The following TMEM117 variants were observed in gnomAD, a reference collection of about 807,000 sequenced individuals.
TMEM117 encodes the protein transmembrane protein 117.
Under a neutral mutation model 52.4 loss-of-function variants are expected in TMEM117, and 27 were observed. The ratio of observed to expected loss-of-function variants is 0.51; its 90% CI spans 0.38 to 0.71. TMEM117 has a LOEUF of 0.71. Among genes scored for constraint, TMEM117 ranks in the 30% least tolerant of loss-of-function variants. The pLI, the probability that TMEM117 is intolerant of heterozygous loss-of-function variation, is 0.00. For synonymous variants in TMEM117, 215 were observed against 206.3 expected (o/e 1.04, Z -0.36); for missense variants, 556 against 630.5 (o/e 0.88, Z 1.26).
At chr12:43,956,533 A>G (rs936947087) in intron 3 of TMEM117, among the ~76,000 whole-genome samples, 7 of 150,650 alleles carry the variant, frequency 4.6e-5, no homozygotes. Flanking sequence ...ACGTACATGC[A>G]ACCAACAAAC....
chr12:44,366,140 G>A (rs527726210), intron 6 of TMEM117, among the ~76,000 whole-genome samples: 4 of 152,172 alleles, frequency 2.6e-5, no homozygotes, highest in African/African-American at 9.6e-5. Context: ...GAACTTGAGT[G>A]TATCATTGGG....
chr12:43,821,111 A>G, the TMEM117 span, among the ~76,000 whole-genome samples: 5 of 149,368 alleles, frequency 3.3e-5, no homozygotes, highest in African/African-American at 5.0e-5. Flanking sequence ...AAAAAAAAAA[A>G]AAGAAAAAAA....
intron 3 of TMEM117, chr12:44,008,873 C>A: frequency 4.8e-6 from 2 of 419,644 alleles, no homozygotes. Context: ...AAAGCATTTC[C>A]CGCACCATGA....
chr12:44,023,389 G>A (rs1946483578), intron 3 of TMEM117, among the ~76,000 whole-genome samples: 2 of 152,074 alleles, frequency 1.3e-5, no homozygotes, highest in Admixed American at 1.3e-4. Context: ...AGATCCCTGA[G>A]GAATCCCCAC....
At chr12:43,863,739 A>C (rs569363963) in intron 2 of TMEM117, among the ~76,000 whole-genome samples, 19 of 152,176 alleles carry the variant, frequency 1.2e-4, no homozygotes, top group Non-Finnish European at 2.5e-4. Context: ...GCGTGCTGGC[A>C]GCCCTCGCAG....
At chr12:44,298,771 A>G (rs1950800062) in intron 5 of TMEM117, among the ~76,000 whole-genome samples, 1 of 150,836 alleles carries the variant, frequency 6.6e-6, no homozygotes, top group South Asian at 2.1e-4. Flanking sequence ...CATGGATGAT[A>G]TATGTCCTAT....
chr12:44,191,468 A>G (rs1949353339), intron 4 of TMEM117, among the ~76,000 whole-genome samples: 1 of 152,082 alleles, frequency 6.6e-6, no homozygotes, highest in Non-Finnish European at 1.5e-5. Context: ...CTAGAATCTA[A>G]AGAATTTTAG....
chr12:44,072,313 A>G (rs1242189430), intron 3 of TMEM117, among the ~76,000 whole-genome samples: 2 of 152,214 alleles, frequency 1.3e-5, no homozygotes, highest in African/African-American at 4.8e-5. Flanking sequence ...CTAGCCAGAC[A>G]CACCAGAAGA....
At chr12:43,829,543 T>C in the TMEM117 span, among the ~76,000 whole-genome samples, 1 of 152,188 alleles carries the variant, frequency 6.6e-6, no homozygotes, top group African/African-American at 2.4e-5. Context: ...CCCTTCTACC[T>C]TGGGTTAGGT....
chr12:44,360,449 CCCA>C (rs1951705731), intron 6 of TMEM117, among the ~76,000 whole-genome samples: 2 of 151,842 alleles, frequency 1.3e-5, no homozygotes, highest in South Asian at 2.1e-4. Flanking sequence ...GTGGTGTAGT[CCCA>C]GCTACTCGGG....
At chr12:44,190,094 C>T (rs553950348) in intron 4 of TMEM117, among the ~76,000 whole-genome samples, 117 of 152,126 alleles carry the variant, frequency 7.7e-4, no homozygotes, top group Non-Finnish European at 1.2e-3. Context: ...ATGGAAGTGT[C>T]CATCTAGGGA....
At chr12:44,226,697 T>A (rs191183866) in intron 5 of TMEM117, among the ~76,000 whole-genome samples, 11 of 152,086 alleles carry the variant, frequency 7.2e-5, no homozygotes, top group Admixed American at 7.2e-4. Flanking sequence ...GGTGTCCGTA[T>A]AAGAAGGTGA....
intron 3 of TMEM117, among the ~76,000 whole-genome samples, chr12:44,110,149 G>A (rs1253863996): frequency 9.8e-6 from 1 of 102,108 alleles, no homozygotes; most frequent in African/African-American, 4.5e-5. Flanking sequence ...CATGTCATCT[G>A]CAAACAGGGA....
chr12:44,139,488 T>A (rs971543539), intron 3 of TMEM117, among the ~76,000 whole-genome samples: 15 of 130,080 alleles, frequency 1.2e-4, no homozygotes, highest in Admixed American at 8.3e-4. Flanking sequence ...TATTGAAATC[T>A]CCACGTTTGT....
rs373087376 is a variant in TMEM117 at position 44,108,295 on chromosome 12, G to A, written c.411-35230G>A. ...ATGTATACATGTGCCATGCTGGTGC[G>A]CTGCACCCACTAATGTGTCATCTAG... On this transcript the variant is annotated intron_variant, in intron 3 of 7. Transcript: ENST00000266534. 1.6e-4 allele frequency among the ~76,000 whole-genome samples: 22 copies of A among 141,726 alleles called. 1 individual carries two copies. The highest frequency in any genetic ancestry group is 1.3e-3 in the East Asian group (6 of 4,772). 93.0% of individuals were successfully genotyped at this position (141,726 alleles called of 152,430 possible).
At chr12:43,898,379 ATT>A (rs1421562655) in intron 2 of TMEM117, among the ~76,000 whole-genome samples, 1 of 140,506 alleles carries the variant, frequency 7.1e-6, no homozygotes, top group Non-Finnish European at 1.6e-5. Flanking sequence ...AATAATATAT[ATT>A]AATTAATAAT....
chr12:44,186,958 C>G (rs1194768875), intron 4 of TMEM117, among the ~76,000 whole-genome samples: 1 of 152,050 alleles, frequency 6.6e-6, no homozygotes, highest in Non-Finnish European at 1.5e-5. Flanking sequence ...TTTAAGCAGG[C>G]CTACCCTATT....
chr12:44,038,509 A>T (rs766689833), intron 3 of TMEM117, among the ~76,000 whole-genome samples: 3 of 151,912 alleles, frequency 2.0e-5, no homozygotes, highest in Non-Finnish European at 2.9e-5. Context: ...TTGCTCACAC[A>T]CCCCTCACCA....
At chr12:44,302,413 C>G (rs1950852268) in intron 6 of TMEM117, among the ~76,000 whole-genome samples, 1 of 152,172 alleles carries the variant, frequency 6.6e-6, no homozygotes, top group South Asian at 2.1e-4. Flanking sequence ...TACTTATTCC[C>G]CAGTGTCAGG....
Sources: allele counts gnomAD v4.1 joint callset (sites outside exome capture counted in the v4.1 genomes callset), GRCh38; gene constraint gnomAD v4.1.1; transcripts MANE v1.5; gene names NCBI Gene and HGNC (gene_info 2026-07-23, HGNC 2026-07-21).